The following OLFM3 variants were observed in gnomAD, a reference collection of about 807,000 sequenced individuals.
The protein encoded by OLFM3 is noelin-3.
OLFM3 carries 20 observed loss-of-function variants against 48.6 expected under a neutral mutation model. The ratio of observed to expected loss-of-function variants is 0.41; its 90% CI spans 0.29 to 0.60. The LOEUF is 0.60. Among genes scored for constraint, OLFM3 ranks in the 20% least tolerant of loss-of-function variants. The pLI is 0.28. For missense variants in OLFM3, 437 were observed against 544.3 expected (o/e 0.80, Z 1.96); for synonymous variants, 222 against 198.1 (o/e 1.12, Z -1.01).
chr1:101,920,412 T>C (rs1305640033), intron 1 of OLFM3, among the ~76,000 whole-genome samples: 1 of 152,194 alleles, frequency 6.6e-6, no homozygotes, highest in Non-Finnish European at 1.5e-5. Context: ...TTTGTCTCCT[T>C]TATATTTTCA....
At chr1:101,846,273 T>G (rs1220080396) in intron 1 of OLFM3, among the ~76,000 whole-genome samples, 1 of 152,180 alleles carries the variant, frequency 6.6e-6, no homozygotes, top group East Asian at 1.9e-4. Flanking sequence ...TTTTATCAAG[T>G]AAGTTTTCTA....
At chr1:101,939,713 A>G (rs2101057588) in intron 1 of OLFM3, among the ~76,000 whole-genome samples, 1 of 152,336 alleles carries the variant, frequency 6.6e-6, no homozygotes, top group Non-Finnish European at 1.5e-5. Flanking sequence ...GAGGAAAAAC[A>G]TGTACCAAGT....
At chr1:101,972,344 A>G (rs1248848525) in intron 1 of OLFM3, among the ~76,000 whole-genome samples, 1 of 152,178 alleles carries the variant, frequency 6.6e-6, no homozygotes, top group Non-Finnish European at 1.5e-5. Flanking sequence ...GCTATTTTTC[A>G]TACATTTCAG....
chr1:101,969,469 C>T (rs1660719601), intron 1 of OLFM3, among the ~76,000 whole-genome samples: 1 of 151,974 alleles, frequency 6.6e-6, no homozygotes, highest in Non-Finnish European at 1.5e-5. Context: ...TGCCTGGACA[C>T]TTGTCTTTTT....
At chr1:101,837,106 A>T in intron 1 of OLFM3, 81 bp from the exon 2 acceptor site, 1 of 1,381,564 alleles carries the variant, frequency 7.2e-7, no homozygotes, top group Non-Finnish European at 9.9e-7. Context: ...ATTTCAAGTA[A>T]AACACTTTTT....
rs181715738 is a variant in OLFM3, at chr1:101,942,146, A to G, written c.69+54602T>C. ...CATCTTAATCATTTTGGGGTAATGG[A>G]ATATTTGAGAATCAAAAGAAAGTGG... On this transcript the variant is annotated intron_variant, in intron 1 of 5. Transcript: ENST00000370103. Among the ~76,000 whole-genome samples, 175 of 152,326 alleles carry G rather than the reference A, an allele frequency of 1.1e-3. 1 individual carries two copies. The highest frequency in any genetic ancestry group is 4.0e-3 in the African/African-American group (166 of 41,564).
intron 2 of OLFM3, among the ~76,000 whole-genome samples, chr1:101,831,799 T>C (rs935129279): frequency 5.3e-5 from 8 of 152,250 alleles, no homozygotes; most frequent in Non-Finnish European, 1.2e-4. Flanking sequence ...GTGATTCCTA[T>C]GTCTATTAAA....
intron 1 of OLFM3, among the ~76,000 whole-genome samples, chr1:101,962,022 A>G (rs1186590244): frequency 6.6e-6 from 1 of 152,144 alleles, no homozygotes; most frequent in African/African-American, 2.4e-5. Context: ...CAAAATCTTC[A>G]AATTACTCAA....
intron 1 of OLFM3, among the ~76,000 whole-genome samples, chr1:101,919,499 T>C (rs1372516538): frequency 1.3e-5 from 2 of 152,194 alleles, no homozygotes; most frequent in Admixed American, 6.5e-5. Context: ...AGCAGATGAT[T>C]ATTCTCTTTT....
rs111880141 is a variant in OLFM3, at chr1:101,838,930, C to T, written c.70-1905G>A. On this transcript the variant is annotated intron_variant, in intron 1 of 5. Transcript: ENST00000370103. Reference sequence around the variant, plus strand: ...CTTTGTCCTAGGTTCTAGCTCATCACATACCATAAACCACCACAAAGGTCT... The same window carrying T: ...CTTTGTCCTAGGTTCTAGCTCATCATATACCATAAACCACCACAAAGGTCT... Among the ~76,000 whole-genome samples the T allele has an allele frequency of 3.8e-3, 582 of 152,332 alleles. 4 individuals carry two copies. Among genetic ancestry groups the T allele is most frequent in the African/African-American group, 0.013 (560 of 41,562 alleles).
intron 1 of OLFM3, among the ~76,000 whole-genome samples, chr1:101,943,554 T>C (rs778540297): frequency 6.6e-6 from 1 of 152,210 alleles, no homozygotes; most frequent in Non-Finnish European, 1.5e-5. Flanking sequence ...GGAGTTACCC[T>C]GAATTAGAGA....
intron 1 of OLFM3, among the ~76,000 whole-genome samples, chr1:101,863,640 A>G (rs1211537333): frequency 6.6e-6 from 1 of 152,212 alleles, no homozygotes; most frequent in Admixed American, 6.5e-5. Flanking sequence ...TCGTAAAAAT[A>G]TCAATATATT....
At chr1:101,980,488 C>T (rs1490914649) in intron 1 of OLFM3, among the ~76,000 whole-genome samples, 2 of 152,116 alleles carry the variant, frequency 1.3e-5, no homozygotes, top group East Asian at 1.9e-4. Flanking sequence ...AAGCATCTGG[C>T]ATTTCTCCTG....
intron 1 of OLFM3, among the ~76,000 whole-genome samples, chr1:101,962,122 A>G (rs1660485167): frequency 6.6e-6 from 1 of 152,186 alleles, no homozygotes; most frequent in South Asian, 2.1e-4. Flanking sequence ...GTCACTGCTC[A>G]TTAGTTATCA....
chr1:101,807,804 A>C (rs1453517533), intron 4 of OLFM3, among the ~76,000 whole-genome samples: 3 of 151,778 alleles, frequency 2.0e-5, no homozygotes, highest in African/African-American at 7.2e-5. Flanking sequence ...GTAAAACTGG[A>C]CCAATAATTC....
At chr1:101,951,588 A>G (rs1457840798) in intron 1 of OLFM3, among the ~76,000 whole-genome samples, 1 of 152,156 alleles carries the variant, frequency 6.6e-6, no homozygotes, top group Non-Finnish European at 1.5e-5. Context: ...TTTTTTCCCT[A>G]ATACTTAGTC....
intron 1 of OLFM3, among the ~76,000 whole-genome samples, chr1:101,919,070 A>G (rs908812518): frequency 1.3e-5 from 2 of 152,158 alleles, no homozygotes; most frequent in Non-Finnish European, 2.9e-5. Flanking sequence ...ACTGTACTTT[A>G]ATTTTATTTG....
intron 2 of OLFM3, among the ~76,000 whole-genome samples, chr1:101,836,594 C>CTTT (rs3079176): frequency 0.36 from 52,704 of 146,194 alleles, 10,171 homozygotes; most frequent in South Asian, 0.5. Flanking sequence ...GAATAAGATG[C>CTTT]TTTTTTTTTT....
chr1:101,959,480 C>A (rs1660404236), intron 1 of OLFM3, among the ~76,000 whole-genome samples: 2 of 152,170 alleles, frequency 1.3e-5, no homozygotes, highest in South Asian at 4.1e-4. Flanking sequence ...CCTCATCAAG[C>A]ACTTCTACAT....
Sources: gnomAD v4.1 joint callset for allele counts (sites outside exome capture counted in the v4.1 genomes callset) on GRCh38, gnomAD v4.1.1 for gene constraint, MANE v1.5 for transcripts, NCBI Gene and HGNC (gene_info 2026-07-23, HGNC 2026-07-21) for gene names.